Variants in DSCAML1 observed in about 807,000 individuals in gnomAD.
DSCAML1 encodes the protein DS cell adhesion molecule like 1.
In DSCAML1, 38 loss-of-function variants were observed where a neutral mutation model predicts 200.5. That is an observed-to-expected ratio of 0.19 (90% CI 0.15 to 0.25). The LOEUF (loss-of-function observed/expected upper bound fraction) is 0.25. Among genes scored for constraint, DSCAML1 ranks in the 10% least tolerant of loss-of-function variants. The probability of loss-of-function intolerance (pLI) is 1.00; values close to 1 mark genes in which losing one functional copy is unlikely to be tolerated. For missense variants in DSCAML1, 2,223 were observed against 2,858.8 expected (o/e 0.78, Z 5.07); for synonymous variants, 1,215 against 1,165.0 (o/e 1.04, Z -0.87).
At chr11:117,746,958 A>T (rs2054529021) in intron 3 of DSCAML1, among the ~76,000 whole-genome samples, 2 of 152,224 alleles carry the variant, frequency 1.3e-5, no homozygotes, top group South Asian at 4.1e-4. Flanking sequence ...AGTATGGGTC[A>T]GCGAGATTTG....
chr11:117,493,607 C>A (rs1430659646), intron 11 of DSCAML1, among the ~76,000 whole-genome samples: 1 of 151,948 alleles, frequency 6.6e-6, no homozygotes, highest in Non-Finnish European at 1.5e-5. Context: ...AGCCACCGCA[C>A]CAGGCCTGGT....
At chr11:117,608,039 A>C (rs1264219052) in intron 3 of DSCAML1, among the ~76,000 whole-genome samples, 2 of 152,238 alleles carry the variant, frequency 1.3e-5, no homozygotes, top group African/African-American at 4.8e-5. Context: ...AAGACGTTTC[A>C]TCTACATTGT....
intron 3 of DSCAML1, among the ~76,000 whole-genome samples, chr11:117,595,681 A>G (rs969785694): frequency 6.6e-6 from 1 of 152,178 alleles, no homozygotes; most frequent in African/African-American, 2.4e-5. Context: ...AGTAACTTAC[A>G]TCACAGTCAG....
At chr11:117,605,268 C>A (rs892216509) in intron 3 of DSCAML1, among the ~76,000 whole-genome samples, 1 of 152,110 alleles carries the variant, frequency 6.6e-6, no homozygotes, top group African/African-American at 2.4e-5. Flanking sequence ...CACGGCTGGT[C>A]TGACACACAT....
chr11:117,460,122 C>T (rs11216402), intron 18 of DSCAML1, among the ~76,000 whole-genome samples: 5,578 of 152,304 alleles, frequency 0.037, 351 homozygotes, highest in African/African-American at 0.13. Flanking sequence ...TGGAGAAGCC[C>T]GCAGGCTTCG....
At chr11:117,523,569 C>T (rs2049918000) in intron 5 of DSCAML1, among the ~76,000 whole-genome samples, 1 of 152,186 alleles carries the variant, frequency 6.6e-6, no homozygotes, top group South Asian at 2.1e-4. Flanking sequence ...TTGGGGCGCT[C>T]TTCCAGGCAC....
intron 15 of DSCAML1, among the ~76,000 whole-genome samples, chr11:117,470,314 ACCT>A (rs1565712726): frequency 2.0e-5 from 3 of 152,038 alleles, no homozygotes; most frequent in African/African-American, 7.2e-5. Context: ...GGTGGCTCAC[ACCT>A]GTAATCCCAG....
intron 20 of DSCAML1, among the ~76,000 whole-genome samples, chr11:117,444,989 A>T (rs577464190): frequency 6.6e-6 from 1 of 152,258 alleles, no homozygotes; most frequent in East Asian, 1.9e-4. Context: ...CCCAGAACAG[A>T]TGGGGGCCCG....
intron 3 of DSCAML1, among the ~76,000 whole-genome samples, chr11:117,743,619 G>T (rs896698724): frequency 6.6e-6 from 1 of 152,172 alleles, no homozygotes; most frequent in Non-Finnish European, 1.5e-5. Context: ...CCCCAGGGCA[G>T]CAGGTCCTCC....
chr11:117,605,031 T>A (rs923232851), intron 3 of DSCAML1, among the ~76,000 whole-genome samples: 7 of 152,140 alleles, frequency 4.6e-5, no homozygotes, highest in African/African-American at 1.7e-4. Flanking sequence ...TTCTTTTTTC[T>A]ACCCTGCCTC....
chr11:117,778,274 C>T (rs1447733570), intron 2 of DSCAML1, among the ~76,000 whole-genome samples: 6 of 152,210 alleles, frequency 3.9e-5, no homozygotes, highest in Admixed American at 3.9e-4. Context: ...AAGGTTTGGG[C>T]AGAGCCCTGC....
intron 11 of DSCAML1, among the ~76,000 whole-genome samples, chr11:117,496,998 T>A (rs1044753957): frequency 6.6e-6 from 1 of 152,218 alleles, no homozygotes; most frequent in African/African-American, 2.4e-5. Flanking sequence ...CTCCCATGTT[T>A]CGTTGGTTCA....
chr11:117,473,087 G>A (rs756577064), intron 14 of DSCAML1, among the ~76,000 whole-genome samples: 1 of 152,168 alleles, frequency 6.6e-6, no homozygotes, highest in Non-Finnish European at 1.5e-5. Flanking sequence ...GTAGAGTATC[G>A]TGAAAAATTC....
chr11:117,586,518 A>G (rs942273418), intron 3 of DSCAML1, among the ~76,000 whole-genome samples: 2 of 152,170 alleles, frequency 1.3e-5, no homozygotes, highest in African/African-American at 4.8e-5. Context: ...CACAGAGCTG[A>G]GACCTTGACC....
chr11:117,745,183 G>C (rs187432386), intron 3 of DSCAML1, among the ~76,000 whole-genome samples: 6 of 150,948 alleles, frequency 4.0e-5, no homozygotes, highest in Non-Finnish European at 8.9e-5. Context: ...CAGCTGGGAG[G>C]GGCACGTGGG....
intron 3 of DSCAML1, among the ~76,000 whole-genome samples, chr11:117,655,501 T>A (rs2052715906): frequency 6.6e-6 from 1 of 152,138 alleles, no homozygotes; most frequent in South Asian, 2.1e-4. Context: ...TAGTAAACGG[T>A]AGAGACAGGA....
chr11:117,686,309 C>T (rs1283562688), intron 3 of DSCAML1, among the ~76,000 whole-genome samples: 2 of 152,232 alleles, frequency 1.3e-5, no homozygotes, highest in Non-Finnish European at 1.5e-5. Context: ...ATACCGCCCT[C>T]TGTTGAGTCT....
rs199669612 is a variant in DSCAML1 at position 117,518,751 on chromosome 11, G to A, written c.1225C>T (p.Arg409Cys). 74 of 1,611,346 alleles carry A rather than the reference G, an allele frequency of 4.6e-5. No individual in the cohort carries two copies. The highest frequency in any genetic ancestry group is 1.9e-5 in the Non-Finnish European group (22 of 1,179,934). The change falls in exon 7 of 33, where the codon CGC becomes TGC. Residue 409 changes from arginine (R) to cysteine (C), a missense_variant. Arg to Cys is a radical substitution (Grantham distance 180). Transcript: ENST00000651296. The surrounding 1 kb of genome is among the most constrained non-coding windows in gnomAD (Gnocchi z 6.3). ...AIIALEDGTP[R>C]IVSSFSEKVV... ...TTCTCGCTGAAGGACGAGACGATGC[G>A]GGGCGTGCCATCTGCAGGGAGCGAG...
intron 3 of DSCAML1, among the ~76,000 whole-genome samples, chr11:117,581,752 G>C (rs1188493694): frequency 6.6e-6 from 1 of 152,186 alleles, no homozygotes; most frequent in African/African-American, 2.4e-5. Context: ...ATGTTAACTT[G>C]ATTAAGGTCA....
Sources: gnomAD v4.1 joint callset for allele counts (sites outside exome capture counted in the v4.1 genomes callset) on GRCh38, gnomAD v4.1.1 for gene constraint, Gnocchi (gnomAD v3.1) non-coding constraint, MANE v1.5 for transcripts, NCBI Gene and HGNC (gene_info 2026-07-23, HGNC 2026-07-21) for gene names.